Variants in PLPP1 observed in about 807,000 individuals in gnomAD.
The protein encoded by PLPP1 is lipid phosphate phosphohydrolase 1a.
PLPP1 carries 24 observed loss-of-function variants against 31.2 expected under a neutral mutation model. The ratio of observed to expected loss-of-function variants is 0.77; its 90% CI spans 0.56 to 1.08. The LOEUF is 1.08. Ranked by LOEUF, PLPP1 falls within the 50% of genes least tolerant of loss-of-function variation. The pLI is 0.00. For synonymous variants in PLPP1, 146 were observed against 126.3 expected (o/e 1.16, Z -1.05); for missense variants, 319 against 342.7 (o/e 0.93, Z 0.55).
chr5:55,464,734 G>A (rs754645917), intron 3 of PLPP1, among the ~76,000 whole-genome samples: 44 of 152,152 alleles, frequency 2.9e-4, no homozygotes, highest in Non-Finnish European at 5.3e-4. Context: ...ACTCACTGTA[G>A]GATTCCTTTT....
intron 4 of PLPP1, among the ~76,000 whole-genome samples, chr5:55,428,088 G>A (rs1476324966): frequency 2.0e-5 from 3 of 152,064 alleles, no homozygotes; most frequent in Non-Finnish European, 4.4e-5. Context: ...CACCCAGCTC[G>A]CTCCAACACT....
chr5:55,441,991 T>C, intron 3 of PLPP1, 83 bp from the exon 4 acceptor site: 1 of 1,368,482 alleles, frequency 7.3e-7, no homozygotes, highest in Non-Finnish European at 1.0e-6. Context: ...CTCCTTAGTT[T>C]CAGAGTGTAC....
chr5:55,439,792 AATG>A (rs200629561), intron 4 of PLPP1, among the ~76,000 whole-genome samples: 2,174 of 152,364 alleles, frequency 0.014, 67 homozygotes, highest in African/African-American at 0.05. Context: ...AAGAGCAGAA[AATG>A]ATGAAGTATG....
At chr5:55,527,082 G>A (rs940692865) in intron 1 of PLPP1, among the ~76,000 whole-genome samples, 1 of 152,050 alleles carries the variant, frequency 6.6e-6, no homozygotes, top group Non-Finnish European at 1.5e-5. Flanking sequence ...TACTGAATAT[G>A]AGTGAATGAA....
intron 1 of PLPP1, among the ~76,000 whole-genome samples, chr5:55,526,711 T>A (rs1348527570): frequency 1.3e-5 from 2 of 152,046 alleles, no homozygotes; most frequent in African/African-American, 4.8e-5. Flanking sequence ...GGTGGGCGGA[T>A]CACGAGGTCA....
chr5:55,468,262 A>C, intron 2 of PLPP1, 113 bp from the exon 3 acceptor site: 1 of 979,976 alleles, frequency 1.0e-6, no homozygotes, highest in Non-Finnish European at 1.5e-6. Context: ...CTTTGTTTCA[A>C]AAACAGTCCC....
chr5:55,497,853 A>G (rs1753035887), intron 1 of PLPP1, among the ~76,000 whole-genome samples: 1 of 152,188 alleles, frequency 6.6e-6, no homozygotes, highest in Non-Finnish European at 1.5e-5. Context: ...GAGAGCCAAC[A>G]TGACATGATC....
intron 1 of PLPP1, among the ~76,000 whole-genome samples, chr5:55,499,347 T>G (rs894069100): frequency 6.6e-6 from 1 of 152,226 alleles, no homozygotes; most frequent in Non-Finnish European, 1.5e-5. Flanking sequence ...AAGATTCCCA[T>G]GTAAAAAGTT....
chr5:55,458,784 A>T (rs1417359994), intron 3 of PLPP1, among the ~76,000 whole-genome samples: 1 of 145,518 alleles, frequency 6.9e-6, no homozygotes, highest in African/African-American at 2.5e-5. Context: ...GCTACTCGGG[A>T]GGCTGAAGTG....
intron 1 of PLPP1, among the ~76,000 whole-genome samples, chr5:55,511,698 G>T (rs942556306): frequency 1.9e-5 from 2 of 107,802 alleles, no homozygotes; most frequent in South Asian, 3.3e-4. Context: ...GAGTCTAGCT[G>T]TGTCGCCCAG....
chr5:55,448,043 G>C (rs1751806617), intron 3 of PLPP1, among the ~76,000 whole-genome samples: 1 of 152,164 alleles, frequency 6.6e-6, no homozygotes. Context: ...AACATGGACT[G>C]ATCCTATAAA....
intron 1 of PLPP1, among the ~76,000 whole-genome samples, chr5:55,495,374 C>A (rs1561246369): frequency 6.6e-6 from 1 of 152,022 alleles, no homozygotes; most frequent in Non-Finnish European, 1.5e-5. Flanking sequence ...TGCTCACAGG[C>A]TCCAAGGGGC....
Position 55,534,771 on chromosome 5 carries a change from G to A in PLPP1, c.-142C>T, listed in dbSNP as rs967538658. 9 of 889,888 alleles carry A rather than the reference G, an allele frequency of 1.0e-5. No individual in the cohort carries two copies. The highest frequency in any genetic ancestry group is 1.4e-5 in the Non-Finnish European group (9 of 622,992). The allele number at this position is 889,888 out of a possible 1,614,324, so 55.1% of individuals were successfully genotyped here. A position where few individuals can be genotyped will look rare whatever the true frequency, so the allele number is the denominator to read the frequency against. The stretch of plus-strand genomic sequence containing the variant: ...CCAGCCGGAGGAGGAGAGCAGCCGA[G>A]GGCGGGCTGAGACCGGGCGGCGCTC... On this transcript the variant is annotated 5_prime_UTR_variant, in exon 1 of 6. Transcript: ENST00000307259.
intron 1 of PLPP1, among the ~76,000 whole-genome samples, chr5:55,500,181 A>C (rs1003465770): frequency 6.7e-6 from 1 of 149,538 alleles, no homozygotes; most frequent in Non-Finnish European, 1.5e-5. Context: ...CCGGGTTCAC[A>C]CCATTCTCCT....
chr5:55,501,406 T>C (rs1251739223), intron 1 of PLPP1, among the ~76,000 whole-genome samples: 3 of 152,258 alleles, frequency 2.0e-5, no homozygotes, highest in Non-Finnish European at 2.9e-5. Context: ...CTCAGAGAAG[T>C]AGCCCTACAG....
intron 4 of PLPP1, among the ~76,000 whole-genome samples, chr5:55,430,255 A>G (rs555867707): frequency 6.6e-6 from 1 of 152,290 alleles, no homozygotes; most frequent in Admixed American, 6.5e-5. Context: ...TACTGCTGGC[A>G]TCCAAGCAAG....
intron 1 of PLPP1, chr5:55,530,834 C>G (rs774320181): frequency 4.0e-6 from 5 of 1,262,272 alleles, no homozygotes; most frequent in African/African-American, 2.9e-5. Context: ...TCCTGACAGA[C>G]GGGGCAGTAG....
At chr5:55,486,914 A>C (rs908800220) in intron 1 of PLPP1, among the ~76,000 whole-genome samples, 1 of 149,380 alleles carries the variant, frequency 6.7e-6, no homozygotes, top group Non-Finnish European at 1.5e-5. Context: ...CTCCACCTCA[A>C]AAAAAAAAAA....
At chr5:55,526,088 A>C (rs537277476) in intron 1 of PLPP1, among the ~76,000 whole-genome samples, 1 of 152,272 alleles carries the variant, frequency 6.6e-6, no homozygotes, top group African/African-American at 2.4e-5. Flanking sequence ...TTTAAAAAAA[A>C]AAATAGGCAA....
Sources: allele counts gnomAD v4.1 joint callset (sites outside exome capture counted in the v4.1 genomes callset), GRCh38; gene constraint gnomAD v4.1.1; transcripts MANE v1.5; gene names NCBI Gene and HGNC (gene_info 2026-07-23, HGNC 2026-07-21).